The following RIMS1 variants were observed in gnomAD, a reference collection of about 807,000 sequenced individuals.
RIMS1 encodes the protein regulating synaptic membrane exocytosis protein 1.
RIMS1 carries 83 observed loss-of-function variants against 214.1 expected under a neutral mutation model. That is an observed-to-expected ratio of 0.39 (90% CI 0.32 to 0.47). RIMS1 has a LOEUF of 0.47. Ranked by LOEUF, RIMS1 falls within the 20% of genes least tolerant of loss-of-function variation. The pLI is 0.99. For synonymous variants in RIMS1, 793 were observed against 786.8 expected (o/e 1.01, Z -0.13); for missense variants, 2,050 against 2,161.8 (o/e 0.95, Z 1.03).
chr6:72,142,008 C>T (rs2042133069), intron 4 of RIMS1, among the ~76,000 whole-genome samples: 1 of 151,940 alleles, frequency 6.6e-6, no homozygotes, highest in African/African-American at 2.4e-5. Context: ...GCTTTTAAAA[C>T]ATCTATTAAA....
At chr6:72,381,069 T>C (rs1441092560) in intron 29 of RIMS1, among the ~76,000 whole-genome samples, 1 of 152,358 alleles carries the variant, frequency 6.6e-6, no homozygotes, top group East Asian at 1.9e-4. Context: ...AGCAGATATT[T>C]ATTTTCTTAA....
chr6:72,011,672 C>G (rs1056430166), intron 2 of RIMS1, among the ~76,000 whole-genome samples: 1 of 151,750 alleles, frequency 6.6e-6, no homozygotes, highest in South Asian at 2.1e-4. Flanking sequence ...GGGCAAAGGA[C>G]ATGAACAGAC....
At chr6:72,200,300 A>T (rs1308481969) in intron 6 of RIMS1, among the ~76,000 whole-genome samples, 1 of 152,176 alleles carries the variant, frequency 6.6e-6, no homozygotes, top group African/African-American at 2.4e-5. Flanking sequence ...TTTGGGGAGT[A>T]TATTGCTTAG....
chr6:72,366,567 C>T (rs1275798044), intron 29 of RIMS1, among the ~76,000 whole-genome samples: 3 of 152,122 alleles, frequency 2.0e-5, no homozygotes, highest in Non-Finnish European at 4.4e-5. Context: ...TGACACATGG[C>T]AAATTTGCTT....
intron 4 of RIMS1, among the ~76,000 whole-genome samples, chr6:72,116,014 G>A (rs1376763221): frequency 6.6e-6 from 1 of 151,732 alleles, no homozygotes; most frequent in Admixed American, 6.6e-5. Context: ...TTTTTGTTTA[G>A]GAATAGTATA....
chr6:72,271,415 T>G, intron 22 of RIMS1, among the ~76,000 whole-genome samples: 1 of 151,286 alleles, frequency 6.6e-6, no homozygotes, highest in Admixed American at 6.6e-5. Context: ...TATATGTGTA[T>G]AATCAGTTAT....
At chr6:72,020,196 A>G (rs935347023) in intron 2 of RIMS1, among the ~76,000 whole-genome samples, 1 of 152,204 alleles carries the variant, frequency 6.6e-6, no homozygotes, top group African/African-American at 2.4e-5. Context: ...AGTATTAATT[A>G]ATAATTGCTA....
At chr6:71,984,797 CTATCTA>C (rs1799461424) in intron 2 of RIMS1, among the ~76,000 whole-genome samples, 1 of 151,792 alleles carries the variant, frequency 6.6e-6, no homozygotes, top group Non-Finnish European at 1.5e-5. Context: ...ATCTATCTAT[CTATCTA>C]TCTATCTATC....
chr6:72,237,713 C>A, intron 8 of RIMS1, 110 bp from the exon 9 acceptor site: 1 of 751,858 alleles, frequency 1.3e-6, no homozygotes, highest in Non-Finnish European at 2.2e-6. Flanking sequence ...ATTAATGTTT[C>A]TACATGCAAT....
chr6:72,008,709 C>G (rs1385527010), intron 2 of RIMS1, among the ~76,000 whole-genome samples: 2 of 152,164 alleles, frequency 1.3e-5, no homozygotes, highest in East Asian at 3.9e-4. Context: ...AACCAACAAA[C>G]ATCGAAAGAG....
intron 28 of RIMS1, among the ~76,000 whole-genome samples, chr6:72,324,395 A>T (rs1262674153): frequency 6.6e-6 from 1 of 151,956 alleles, no homozygotes; most frequent in African/African-American, 2.4e-5. Flanking sequence ...GCATATTTTA[A>T]TCTTTAGGGT....
rs980309524 is a variant in RIMS1 at position 71,956,088 on chromosome 6, T to TAA, written c.165-12890_165-12889dup. Among the ~76,000 whole-genome samples, 31 of 151,944 alleles carry TAA rather than the reference T, an allele frequency of 2.0e-4. No homozygotes were observed. In the East Asian group the frequency reaches 5.4e-3, roughly 27 times the overall value. ...GTAAAAGAAGATATAGTTATTTGCC[T>TAA]AAAAAATATATATATATATGAAATG... On this transcript the variant is annotated intron_variant, in intron 1 of 33. Transcript: ENST00000521978.
chr6:72,242,310 C>G lies in RIMS1; in HGVS notation c.1958-4C>G. 6.5e-7 allele frequency: 1 copy of G among 1,543,126 alleles called. No individual in the cohort carries two copies. Among genetic ancestry groups the G allele is most frequent in the Non-Finnish European group, 8.8e-7 (1 of 1,141,282 alleles). ...AAAAAAATACCCTTTTTTTTAAATT[C>G]AAGGGGATGAAGTTCTAGAATGGAA... On this transcript the variant is annotated splice_region_variant and splice_polypyrimidine_tract_variant and intron_variant, in intron 9 of 33. Coordinates refer to ENST00000521978, the MANE Select transcript of RIMS1 (RefSeq NM_014989.7).
At chr6:71,897,250 G>C (rs147736120) in intron 1 of RIMS1, among the ~76,000 whole-genome samples, 1 of 152,148 alleles carries the variant, frequency 6.6e-6, no homozygotes, top group East Asian at 1.9e-4. Context: ...GATGCCTGAA[G>C]GAACCTCTTG....
intron 4 of RIMS1, among the ~76,000 whole-genome samples, chr6:72,125,324 C>G (rs2039284121): frequency 6.6e-6 from 1 of 152,164 alleles, no homozygotes; most frequent in African/African-American, 2.4e-5. Flanking sequence ...TGCAGAACAG[C>G]AAATATTGCT....
chr6:71,928,041 C>A (rs928414098), intron 1 of RIMS1, among the ~76,000 whole-genome samples: 1 of 152,002 alleles, frequency 6.6e-6, no homozygotes, highest in Non-Finnish European at 1.5e-5. Flanking sequence ...AGAATGCATG[C>A]GCATTTTTGT....
At chr6:72,165,526 T>C (rs1403980908) in intron 4 of RIMS1, among the ~76,000 whole-genome samples, 1 of 152,188 alleles carries the variant, frequency 6.6e-6, no homozygotes, top group Non-Finnish European at 1.5e-5. Flanking sequence ...TCTATCTGTG[T>C]GTGTCTCTCT....
In RIMS1 at chr6:72,080,074, TAAAAAAAAA is replaced by T. The variant is rs770845471; in HGVS notation, c.246-16851_246-16843del. On this transcript the variant is annotated intron_variant, in intron 2 of 33. Coordinates refer to ENST00000521978, the MANE Select transcript of RIMS1 (RefSeq NM_014989.7). ...CAACGTGGTGAAACCGTGTCTCTAC[TAAAAAAAAA>T]AAAAAAAAAAAAAAAAAAAAAAATA... Among the ~76,000 whole-genome samples, 73 of 22,400 alleles carry T rather than the reference TAAAAAAAAA, an allele frequency of 3.3e-3. No individual in the cohort carries two copies. In the South Asian group the frequency reaches 0.05, roughly 15 times the overall value. The allele number at this position is 22,400 out of a possible 152,430, so 14.7% of individuals were successfully genotyped here. A position where few individuals can be genotyped will look rare whatever the true frequency, so the allele number is the denominator to read the frequency against.
intron 2 of RIMS1, among the ~76,000 whole-genome samples, chr6:72,015,448 A>G (rs927164950): frequency 7.9e-5 from 12 of 152,188 alleles, no homozygotes; most frequent in African/African-American, 2.7e-4. Flanking sequence ...AGAATTTTCT[A>G]TATAGAAGAT....
Sources: allele counts gnomAD v4.1 joint callset (sites outside exome capture counted in the v4.1 genomes callset), GRCh38; gene constraint gnomAD v4.1.1; transcripts MANE v1.5; gene names NCBI Gene and HGNC (gene_info 2026-07-23, HGNC 2026-07-21).